The following PUDP variants were observed in gnomAD, a reference collection of about 807,000 sequenced individuals.
PUDP encodes pseudouridine-5'-phosphatase.
A neutral mutation model predicts 9.4 loss-of-function variants in PUDP; 8 were observed. The observed-to-expected ratio is 0.85, with a 90% CI of 0.50 to 1.53. PUDP has a LOEUF of 1.53. PUDP is among the 40% of genes most tolerant of loss of function. The pLI is 0.00. For synonymous variants in PUDP, 99 were observed against 80.7 expected, an observed-to-expected ratio of 1.23 and a Z score of -1.22; for missense variants, 188 against 189.7, an observed-to-expected ratio of 0.99 and a Z score of 0.05.
At chrX:7,065,983 T>C (rs1350328666) in intron 3 of PUDP, among the ~76,000 whole-genome samples, 1 of 112,525 alleles carries the variant, frequency 8.9e-6, no homozygotes, top group Non-Finnish European at 1.9e-5. Flanking sequence ...AAACATCCAA[T>C]AATTATTAGT....
chrX:6,808,789 G>A (rs1030105685), intron 3 of PUDP, among the ~76,000 whole-genome samples: 3 of 112,318 alleles, frequency 2.7e-5, no homozygotes, highest in Non-Finnish European at 5.6e-5. Flanking sequence ...AATTTAAATA[G>A]TGAGCCCACA....
intron 3 of PUDP, among the ~76,000 whole-genome samples, chrX:6,883,545 T>G (rs912038791): frequency 1.5e-4 from 16 of 103,789 alleles, no homozygotes; most frequent in African/African-American, 3.5e-4. Context: ...AAAAAAAAAT[T>G]TTAAACAATC....
rs747513161 is a variant in PUDP at position 6,733,890 on chromosome X, G to GCCTCAGCCT, written c.*248-27433_*248-27425dup. 6.0e-3 allele frequency among the ~76,000 whole-genome samples: 589 copies of GCCTCAGCCT among 98,649 alleles called. 4 individuals carry two copies. The highest frequency in any genetic ancestry group is 0.02 in the African/African-American group (540 of 26,507). 85.7% of individuals were successfully genotyped at this position (98,649 alleles called of 115,157 possible). ...CCTCCCGGATTCAAGTGATTCTCCT[G>GCCTCAGCCT]CCTCAGCCTCTGGAGTAGCTGGAAT... is the stretch of plus-strand genomic sequence containing the variant. On this transcript the variant is annotated intron_variant and NMD_transcript_variant, in intron 3 of 3. Coordinates refer to the PUDP transcript ENST00000655425.
chrX:6,732,363 C>T (rs1042354698), intron 3 of PUDP, among the ~76,000 whole-genome samples: 4 of 111,473 alleles, frequency 3.6e-5, no homozygotes, highest in South Asian at 7.5e-4. Flanking sequence ...CACAGGAAAA[C>T]CACTGTTTTC....
chrX:6,992,204 C>T, intron 1 of PUDP, among the ~76,000 whole-genome samples: 1 of 107,083 alleles, frequency 9.3e-6, no homozygotes. Flanking sequence ...AGCTGATGTT[C>T]AAGTTCAAAA....
intron 3 of PUDP, among the ~76,000 whole-genome samples, chrX:6,880,103 G>GT (rs200649633): frequency 1.9e-3 from 193 of 103,933 alleles, no homozygotes; most frequent in South Asian, 0.01. Flanking sequence ...AATCGTTAAG[G>GT]TTTTTTTTTT....
chrX:6,953,832 T>C (rs769468211), intron 3 of PUDP, among the ~76,000 whole-genome samples: 1 of 111,964 alleles, frequency 8.9e-6, no homozygotes, highest in African/African-American at 3.2e-5. Flanking sequence ...GATATGGTTT[T>C]GCTGTGTCCC....
chrX:6,751,120 T>G (rs183809511), intron 3 of PUDP, among the ~76,000 whole-genome samples: 2 of 105,388 alleles, frequency 1.9e-5, no homozygotes, highest in African/African-American at 7.1e-5. Flanking sequence ...CCAGCCTGGG[T>G]GACAGAGTGA....
At chrX:6,852,833 G>T (rs958134335) in intron 3 of PUDP, among the ~76,000 whole-genome samples, 6 of 111,544 alleles carry the variant, frequency 5.4e-5, no homozygotes, top group Non-Finnish European at 7.5e-5. Flanking sequence ...CAAGAGAATT[G>T]AGGAGCATGG....
chrX:7,137,425 C>A (rs190761831), intron 1 of PUDP, among the ~76,000 whole-genome samples: 1 of 106,585 alleles, frequency 9.4e-6, no homozygotes, highest in Admixed American at 1.0e-4. Flanking sequence ...CGGGCACCTG[C>A]AGTCCCAGCT....
chrX:6,742,725 T>C (rs1924955054), intron 3 of PUDP, among the ~76,000 whole-genome samples: 1 of 111,726 alleles, frequency 9.0e-6, no homozygotes, highest in East Asian at 2.8e-4. Flanking sequence ...CAGTGAACCA[T>C]GCTTATGCTA....
intron 1 of PUDP, among the ~76,000 whole-genome samples, chrX:7,016,211 C>T (rs1172208679): frequency 9.1e-6 from 1 of 110,425 alleles, no homozygotes; most frequent in East Asian, 2.9e-4. Flanking sequence ...CATGTACCTG[C>T]AGTCCTAGCT....
intron 3 of PUDP, among the ~76,000 whole-genome samples, chrX:6,765,193 T>C (rs1050482117): frequency 1.8e-5 from 2 of 110,797 alleles, no homozygotes; most frequent in Non-Finnish European, 3.8e-5. Flanking sequence ...GGCGAGAGGA[T>C]GGCTTGAGCC....
chrX:6,936,795 T>A (rs1216110731), intron 3 of PUDP, among the ~76,000 whole-genome samples: 3 of 96,068 alleles, frequency 3.1e-5, no homozygotes, highest in Admixed American at 1.2e-4. Flanking sequence ...AGTCTCAGGA[T>A]ACAAAATCAA....
At chrX:6,902,363 C>G (rs1927703208) in intron 3 of PUDP, among the ~76,000 whole-genome samples, 1 of 111,922 alleles carries the variant, frequency 8.9e-6, no homozygotes, top group Non-Finnish European at 1.9e-5. Context: ...CTGGGCAATT[C>G]CTGGTGGAAG....
chrX:7,105,432 G>C (rs1931850694), intron 2 of PUDP, among the ~76,000 whole-genome samples, 188 bp downstream of exon 2: 1 of 111,582 alleles, frequency 9.0e-6, no homozygotes, highest in African/African-American at 3.3e-5. Flanking sequence ...AGCTTTTAAA[G>C]AGAAAATTGA....
intron 1 of PUDP, among the ~76,000 whole-genome samples, chrX:6,994,812 T>C (rs1200836280): frequency 1.8e-5 from 2 of 111,491 alleles, no homozygotes; most frequent in African/African-American, 3.3e-5. Context: ...GGAGTTTCTT[T>C]TGAGGCAGAG....
chrX:7,086,735 T>C (rs1209959312), intron 2 of PUDP, among the ~76,000 whole-genome samples: 3 of 112,280 alleles, frequency 2.7e-5, no homozygotes, highest in African/African-American at 9.7e-5. Context: ...GTGCAGATCT[T>C]CAGTCCTAAT....
intron 1 of PUDP, among the ~76,000 whole-genome samples, chrX:7,109,386 C>T (rs1931974736): frequency 8.9e-6 from 1 of 111,792 alleles, no homozygotes; most frequent in African/African-American, 3.3e-5. Flanking sequence ...TTTGAAAAGC[C>T]GAGTGAAGGA....
Sources: allele counts gnomAD v4.1 joint callset (sites outside exome capture counted in the v4.1 genomes callset), GRCh38; gene constraint gnomAD v4.1.1; transcripts MANE v1.5; gene names NCBI Gene and HGNC (gene_info 2026-07-23, HGNC 2026-07-21).